CCDC39: variants seen among roughly 807,000 people sequenced by gnomAD.
The protein encoded by CCDC39 is coiled-coil domain-containing protein 39.
In CCDC39, 113 loss-of-function variants were observed where a neutral mutation model predicts 121.0. The observed-to-expected ratio is 0.93, with a 90% CI of 0.80 to 1.09. The LOEUF (loss-of-function observed/expected upper bound fraction) is 1.09. Among genes scored for constraint, CCDC39 ranks in the 50% least tolerant of loss-of-function variants. The probability of loss-of-function intolerance (pLI) is 0.00; values close to 1 mark genes in which losing one functional copy is unlikely to be tolerated. For synonymous variants in CCDC39, 349 were observed against 352.2 expected (o/e 0.99, Z 0.10); for missense variants, 1,063 against 1,074.7 (o/e 0.99, Z 0.15).
chr3:180,651,276 A>T (rs1718201719), intron 9 of CCDC39, 125 bp downstream of exon 9: 1 of 722,310 alleles, frequency 1.4e-6, no homozygotes, highest in Non-Finnish European at 2.2e-6. Context: ...CCAGATTATA[A>T]ATGTGATCAT....
rs1386829931 is a variant in CCDC39, at chr3:180,654,826, T to A, written c.866A>T (p.Lys289Ile). Residue 289 changes from lysine (K) to isoleucine (I), a missense_variant, in exon 7 of 20, where the codon AAA becomes ATA. Lys to Ile is a moderately radical substitution (Grantham distance 102). Transcript: ENST00000476379. ...ATATGCCGTTCTACATTTTAAAAGTTTACGATCAGCCACAGAAATTCTTTT... is the reference window on the plus strand; with the variant it reads ...ATATGCCGTTCTACATTTTAAAAGTATACGATCAGCCACAGAAATTCTTTT... ...FEKRISVADR[K>I]LLKCRTAYQD... 6.2e-7 allele frequency: 1 copy of A among 1,611,004 alleles called. No individual in the cohort carries two copies.
chr3:180,666,348 G>T (rs1711876999), intron 1 of CCDC39, among the ~76,000 whole-genome samples: 2 of 152,098 alleles, frequency 1.3e-5, no homozygotes, highest in African/African-American at 4.8e-5. Context: ...TTATGGGTAT[G>T]TTTTAAGGTG....
chr3:180,634,852 G>C (rs1353179397), intron 13 of CCDC39, among the ~76,000 whole-genome samples: 2 of 152,080 alleles, frequency 1.3e-5, no homozygotes, highest in African/African-American at 2.4e-5. Flanking sequence ...TAAGAAGTCA[G>C]CTACAAATAA....
At chr3:180,677,156 ATAATAATAATTT>A (rs1712241287) in intron 1 of CCDC39, among the ~76,000 whole-genome samples, 1 of 106,780 alleles carries the variant, frequency 9.4e-6, no homozygotes, top group African/African-American at 4.4e-5. Context: ...AATAATAATA[ATAATAATAATTT>A]TATATATATA....
rs537669971 is a variant in CCDC39, at chr3:180,648,055, G to A, written c.1362+110C>T. 4.8e-6 allele frequency: 4 copies of A among 830,764 alleles called. No homozygotes were observed. In the South Asian group the frequency reaches 7.2e-5, roughly 15 times the overall value. 51.5% of individuals were successfully genotyped at this position (830,764 alleles called of 1,614,324 possible). A position where few individuals can be genotyped will look rare whatever the true frequency, so the allele number is the denominator to read the frequency against. On this transcript the variant is annotated intron_variant, in intron 10 of 19. Transcript: ENST00000476379. ...GATGTCTCACCTTCAGCATCTGTCT[G>A]TCCTCCACAAAAGGGCTTATAATTC...
At chr3:180,624,828 C>T (rs1717520321) in intron 14 of CCDC39, among the ~76,000 whole-genome samples, 1 of 152,008 alleles carries the variant, frequency 6.6e-6, no homozygotes, top group Non-Finnish European at 1.5e-5. Flanking sequence ...CCTTTTAGTG[C>T]TTTGAAAATT....
intron 14 of CCDC39, among the ~76,000 whole-genome samples, chr3:180,629,243 A>G (rs1012257558): frequency 1.3e-5 from 2 of 152,366 alleles, no homozygotes; most frequent in African/African-American, 4.8e-5. Context: ...AAATGCTGAC[A>G]TGAATTTGCT....
intron 6 of CCDC39, among the ~76,000 whole-genome samples, chr3:180,658,793 T>C (rs1711659191): frequency 6.6e-6 from 1 of 152,152 alleles, no homozygotes; most frequent in Admixed American, 6.5e-5. Context: ...GCCAAATGCC[T>C]TTCCATGGAG....
rs145419332 is a variant in CCDC39 at position 180,668,133 on chromosome 3, G to T, written c.91-4147C>A. Among the ~76,000 whole-genome samples, 27 of 152,186 alleles carry T rather than the reference G, an allele frequency of 1.8e-4. No homozygotes were observed. The East Asian group carries it at 5.0e-3, about 28-fold the overall frequency. ...TGGCTCATGCCTGTAATCCCAATAT[G>T]TTGGGAGGCCAAGGCGGACAGATCA... On this transcript the variant is annotated intron_variant, in intron 1 of 19. Transcript: ENST00000476379.
intron 1 of CCDC39, among the ~76,000 whole-genome samples, chr3:180,671,275 T>A (rs917640815): frequency 1.6e-4 from 24 of 151,664 alleles, no homozygotes; most frequent in African/African-American, 5.1e-4. Context: ...CACCTGGAAG[T>A]TACCACCCTT....
intron 15 of CCDC39, 85 bp downstream of exon 15, chr3:180,619,726 G>T: frequency 1.2e-6 from 1 of 821,746 alleles, no homozygotes; most frequent in Non-Finnish European, 1.8e-6. Context: ...GTTTGCTTTT[G>T]TTCTTCCTCA....
At chr3:180,670,924 C>T (rs1471020623) in intron 1 of CCDC39, among the ~76,000 whole-genome samples, 1 of 151,946 alleles carries the variant, frequency 6.6e-6, no homozygotes, top group Non-Finnish European at 1.5e-5. Context: ...AGTGATCACC[C>T]CTTTGGGCTG....
At chr3:180,659,301 G>T in intron 6 of CCDC39, 151 bp downstream of exon 6, 2 of 857,290 alleles carry the variant, frequency 2.3e-6, no homozygotes, top group Non-Finnish European at 3.5e-6. Context: ...AATGGATATA[G>T]AGTCAGCTTT....
At position 180,619,817 on chromosome 3, in the gene CCDC39, G is replaced by A. The variant is rs1292113274; in HGVS notation, c.2152C>T (p.Pro718Ser). Residue 718 changes from proline (P) to serine (S), a missense_variant, in exon 15 of 20, where the codon CCA becomes TCA. Physicochemically the swap from Pro to Ser is moderately conservative, Grantham distance 74. Transcript: ENST00000476379. ...NYKQSFKKVT[P>S]SSDEYELKIQ... ...AAAGTTAACTCCTACATACTAGATG[G>A]AGTCACTTTTTTAAAAGATTGCTTA... is the stretch of plus-strand genomic sequence containing the variant. 6.3e-6 allele frequency: 10 copies of A among 1,583,592 alleles called. No individual in the cohort carries two copies. Among genetic ancestry groups the A allele is most frequent in the South Asian group, 1.2e-5 (1 of 86,334 alleles).
At chr3:180,677,225 G>C (rs1712261507) in intron 1 of CCDC39, among the ~76,000 whole-genome samples, 1 of 75,080 alleles carries the variant, frequency 1.3e-5, no homozygotes, top group Non-Finnish European at 2.6e-5. Flanking sequence ...TAAAATCACA[G>C]TACTATGGGC....
intron 16 of CCDC39, among the ~76,000 whole-genome samples, chr3:180,618,891 G>A (rs1356764509): frequency 6.6e-6 from 1 of 151,976 alleles, no homozygotes; most frequent in Non-Finnish European, 1.5e-5. Context: ...ATTTGCCTTA[G>A]TAAGTACTTT....
At chr3:180,653,852 A>G (rs558342334) in intron 7 of CCDC39, among the ~76,000 whole-genome samples, 1 of 152,314 alleles carries the variant, frequency 6.6e-6, no homozygotes, top group East Asian at 1.9e-4. Context: ...AGCCTCCTGT[A>G]TACTTTAAAT....
intron 6 of CCDC39, among the ~76,000 whole-genome samples, chr3:180,659,127 A>T (rs1711665763): frequency 6.6e-6 from 1 of 152,150 alleles, no homozygotes; most frequent in African/African-American, 2.4e-5. Flanking sequence ...AATAGCATAC[A>T]CATTAAATCC....
intron 10 of CCDC39, 49 bp downstream of exon 10, chr3:180,648,116 A>T: frequency 6.9e-7 from 1 of 1,446,666 alleles, no homozygotes; most frequent in Non-Finnish European, 9.6e-7. Context: ...CTTGACCATC[A>T]CAACTGTAAT....
Sources: gnomAD v4.1 joint callset for allele counts (sites outside exome capture counted in the v4.1 genomes callset) on GRCh38, gnomAD v4.1.1 for gene constraint, MANE v1.5 for transcripts, NCBI Gene and HGNC (gene_info 2026-07-23, HGNC 2026-07-21) for gene names.